The following CEP126 variants were observed in gnomAD, a reference collection of about 807,000 sequenced individuals.
CEP126 encodes centrosomal protein 126.
A neutral mutation model predicts 107.8 loss-of-function variants in CEP126; 74 were observed. The ratio of observed to expected loss-of-function variants is 0.69; its 90% CI spans 0.57 to 0.83. The LOEUF is 0.83. Among genes scored for constraint, CEP126 ranks in the 40% least tolerant of loss-of-function variants. CEP126 has a pLI of 0.00. For synonymous variants in CEP126, 449 were observed against 446.0 expected, an observed-to-expected ratio of 1.01 and a Z score of -0.08; for missense variants, 1,237 against 1,281.9, an observed-to-expected ratio of 0.96 and a Z score of 0.53.
At chr11:101,940,997 A>C (rs1940656154) in intron 2 of CEP126, among the ~76,000 whole-genome samples, 1 of 152,166 alleles carries the variant, frequency 6.6e-6, no homozygotes, top group Admixed American at 6.5e-5. Context: ...CTACCATAGG[A>C]GTGCTTGACA....
At chr11:101,970,984 T>C (rs1941121036) in intron 6 of CEP126, among the ~76,000 whole-genome samples, 1 of 152,180 alleles carries the variant, frequency 6.6e-6, no homozygotes, top group South Asian at 2.1e-4. Flanking sequence ...TTCATTTTAT[T>C]TTTTTTCTGA....
chr11:101,971,572 T>G (rs6590940), intron 6 of CEP126, among the ~76,000 whole-genome samples: 56,805 of 150,548 alleles, frequency 0.38, 10,830 homozygotes, highest in East Asian at 0.51. Flanking sequence ...TTGTTTGTTT[T>G]TTTAGGTGGG....
chr11:101,953,943 T>C (rs1229037941), intron 4 of CEP126, among the ~76,000 whole-genome samples: 1 of 152,220 alleles, frequency 6.6e-6, no homozygotes, highest in Non-Finnish European at 1.5e-5. Flanking sequence ...GTACATTTTC[T>C]ATACAGGGCT....
intron 2 of CEP126, among the ~76,000 whole-genome samples, chr11:101,940,119 A>T (rs998898011): frequency 3.3e-5 from 5 of 152,190 alleles, no homozygotes; most frequent in Admixed American, 6.5e-5. Flanking sequence ...ATCTCTGTTT[A>T]AAAAAATGTC....
At chr11:101,933,055 C>T (rs1331802072) in intron 2 of CEP126, among the ~76,000 whole-genome samples, 1 of 152,126 alleles carries the variant, frequency 6.6e-6, no homozygotes, top group Non-Finnish European at 1.5e-5. Context: ...ACAGGACTTC[C>T]AGAAATTAAA....
At chr11:101,950,310 A>G (rs765720911) in intron 4 of CEP126, among the ~76,000 whole-genome samples, 1 of 152,186 alleles carries the variant, frequency 6.6e-6, no homozygotes, top group Non-Finnish European at 1.5e-5. Context: ...TAGCCAGAAG[A>G]GATGTATGGC....
At chr11:101,918,638 TA>T (rs1226205053) in intron 1 of CEP126, among the ~76,000 whole-genome samples, 1 of 152,150 alleles carries the variant, frequency 6.6e-6, no homozygotes, top group Non-Finnish European at 1.5e-5. Context: ...CTAAAAGATA[TA>T]AAAATGCATA....
chr11:101,990,888 T>C (rs1348340070), intron 9 of CEP126, among the ~76,000 whole-genome samples: 1 of 152,056 alleles, frequency 6.6e-6, no homozygotes, highest in Non-Finnish European at 1.5e-5. Flanking sequence ...TGTTAGTAAT[T>C]ACTGTTGTCG....
At chr11:101,957,337 G>A (rs1940912400) in intron 4 of CEP126, among the ~76,000 whole-genome samples, 1 of 152,174 alleles carries the variant, frequency 6.6e-6, no homozygotes, top group South Asian at 2.1e-4. Context: ...CAGCCCCAGT[G>A]CAGCAGCATT....
At chr11:101,997,120 C>T (rs1414846656) in intron 10 of CEP126, among the ~76,000 whole-genome samples, 1 of 152,178 alleles carries the variant, frequency 6.6e-6, no homozygotes, top group Non-Finnish European at 1.5e-5. Flanking sequence ...TTACTGCAAC[C>T]TCCGCCTCCC....
chr11:101,988,246 A>T (rs1316030920), intron 9 of CEP126, among the ~76,000 whole-genome samples: 2 of 152,344 alleles, frequency 1.3e-5, no homozygotes, highest in East Asian at 1.9e-4. Flanking sequence ...AATGCCTGGA[A>T]ATTGAAAATA....
At chr11:101,982,574 A>T (rs907870000) in intron 8 of CEP126, among the ~76,000 whole-genome samples, 2 of 152,030 alleles carry the variant, frequency 1.3e-5, no homozygotes, top group African/African-American at 4.8e-5. Context: ...AAATTTTCTT[A>T]CTGATGTCTG....
intron 4 of CEP126, chr11:101,956,837 C>T (rs996200974): frequency 1.5e-5 from 6 of 398,424 alleles, no homozygotes; most frequent in Non-Finnish European, 2.4e-5. Flanking sequence ...TCCTATCCAC[C>T]CCTTCAATCC....
intron 8 of CEP126, among the ~76,000 whole-genome samples, chr11:101,986,586 C>G (rs1269945039): frequency 1.3e-5 from 2 of 152,078 alleles, no homozygotes; most frequent in African/African-American, 2.4e-5. Flanking sequence ...TCAAGTAATA[C>G]TCTGGGAATT....
At chr11:101,991,510 G>T (rs1360967395) in intron 9 of CEP126, among the ~76,000 whole-genome samples, 1 of 152,176 alleles carries the variant, frequency 6.6e-6, no homozygotes, top group Non-Finnish European at 1.5e-5. Context: ...TATGTTAAAG[G>T]TTATGGTGGG....
chr11:101,978,305 C>T, intron 6 of CEP126, 42 bp from the exon 7 acceptor site: 2 of 1,347,690 alleles, frequency 1.5e-6, no homozygotes, highest in South Asian at 1.2e-5. Context: ...ATTGGCTACT[C>T]AACTAGCATA....
intron 3 of CEP126, among the ~76,000 whole-genome samples, chr11:101,944,785 G>A (rs553877457): frequency 5.3e-5 from 8 of 152,124 alleles, no homozygotes; most frequent in Non-Finnish European, 1.2e-4. Flanking sequence ...TCATATTTGA[G>A]AGACTGGCAG....
chr11:101,966,515 C>T (rs1222552631), intron 6 of CEP126, among the ~76,000 whole-genome samples: 1 of 152,150 alleles, frequency 6.6e-6, no homozygotes, highest in Non-Finnish European at 1.5e-5. Context: ...CCAAGCCATT[C>T]GACTATACCA....
chr11:101,955,903 C>G (rs371730252), intron 4 of CEP126: 78 of 456,442 alleles, frequency 1.7e-4, no homozygotes, highest in African/African-American at 1.5e-3. Flanking sequence ...TTCCTAGCTA[C>G]CCAACTGTTT....
Sources: allele counts gnomAD v4.1 joint callset (sites outside exome capture counted in the v4.1 genomes callset), GRCh38; gene constraint gnomAD v4.1.1; transcripts MANE v1.5; gene names NCBI Gene and HGNC (gene_info 2026-07-23, HGNC 2026-07-21).